The following SAMD12 variants were observed in gnomAD, a reference collection of about 807,000 sequenced individuals.
SAMD12 encodes the protein sterile alpha motif domain containing 12.
Under a neutral mutation model 15.0 loss-of-function variants are expected in SAMD12, and 9 were observed. That is an observed-to-expected ratio of 0.60 (90% confidence interval 0.36 to 1.05). The LOEUF is 1.05. Ranked by LOEUF, SAMD12 falls within the 50% of genes least tolerant of loss-of-function variation. SAMD12 has a pLI of 0.01. For missense variants in SAMD12, 230 were observed against 234.2 expected (o/e 0.98, Z 0.12); for synonymous variants, 86 against 90.1 (o/e 0.96, Z 0.25).
At chr8:118,189,017 T>C (rs1169629254), downstream of SAMD12, among the ~76,000 whole-genome samples, 1 of 152,144 alleles carries the variant, frequency 6.6e-6, no homozygotes, top group Non-Finnish European at 1.5e-5. Flanking sequence ...GGAAATACCA[T>C]CAATCATACT....
intron 4 of SAMD12, among the ~76,000 whole-genome samples, chr8:118,226,349 A>G (rs1420828778): frequency 6.6e-6 from 1 of 152,184 alleles, no homozygotes; most frequent in African/African-American, 2.4e-5. Flanking sequence ...TACCGAACCC[A>G]GATTTCAGCA....
chr8:118,236,957 A>T (rs1812448998), intron 4 of SAMD12, among the ~76,000 whole-genome samples: 2 of 152,254 alleles, frequency 1.3e-5, no homozygotes, highest in South Asian at 4.1e-4. Context: ...GCTTTGGCAC[A>T]AGACTGACCC....
chr8:118,174,126 C>A, the SAMD12 span, among the ~76,000 whole-genome samples: 36 of 152,208 alleles, frequency 2.4e-4, no homozygotes, highest in South Asian at 8.3e-4. Flanking sequence ...GGTTTTGGCC[C>A]CCTCCTCTGT....
chr8:118,578,647 T>C (rs1305567486), intron 2 of SAMD12, among the ~76,000 whole-genome samples: 1 of 152,174 alleles, frequency 6.6e-6, no homozygotes, highest in Non-Finnish European at 1.5e-5. Context: ...AACAAGTTCA[T>C]GTTGTCTAAG....
At chr8:118,331,737 C>A (rs1161546131) in intron 4 of SAMD12, among the ~76,000 whole-genome samples, 1 of 152,162 alleles carries the variant, frequency 6.6e-6, no homozygotes, top group Admixed American at 6.5e-5. Flanking sequence ...ACAAGAGGTC[C>A]ACACATGTGA....
At chr8:118,374,209 G>C (rs1819258217), downstream of SAMD12, among the ~76,000 whole-genome samples, 1 of 152,026 alleles carries the variant, frequency 6.6e-6, no homozygotes, top group African/African-American at 2.4e-5. Flanking sequence ...GACTATTTTA[G>C]ATACTCCATA....
At chr8:118,479,848 A>C (rs1475058548) in intron 2 of SAMD12, among the ~76,000 whole-genome samples, 1 of 151,670 alleles carries the variant, frequency 6.6e-6, no homozygotes, top group African/African-American at 2.4e-5. Flanking sequence ...ATTTGTGATC[A>C]CTGCTACATC....
chr8:118,307,481 C>G (rs986169001), intron 4 of SAMD12, among the ~76,000 whole-genome samples: 1 of 152,148 alleles, frequency 6.6e-6, no homozygotes, highest in Admixed American at 6.5e-5. Flanking sequence ...GTAAAGCAGC[C>G]ACAAGTGAAG....
chr8:118,621,876 C>T lies in SAMD12; in HGVS notation c.-60G>A. ...CTTGGCCGAGGTACTCCTCCTGCCC[C>T]GCGCTCCCCCCTTCCTCTCGCTTTC... On this transcript the variant is annotated 5_prime_UTR_variant, in exon 1 of 4. Transcript: ENST00000314727. 10 of 1,571,060 alleles carry T rather than the reference C, an allele frequency of 6.4e-6. No homozygotes were observed. The highest frequency in any genetic ancestry group is 8.8e-6 in the Non-Finnish European group (10 of 1,140,790).
chr8:118,178,193 T>C, the SAMD12 span, among the ~76,000 whole-genome samples: 4 of 152,204 alleles, frequency 2.6e-5, no homozygotes, highest in Admixed American at 6.5e-5. Flanking sequence ...GTAAGCCCCA[T>C]ACATTTAGTG....
At chr8:118,247,381 T>C (rs1044141972) in intron 4 of SAMD12, among the ~76,000 whole-genome samples, 9 of 152,044 alleles carry the variant, frequency 5.9e-5, no homozygotes, top group Non-Finnish European at 1.2e-4. Context: ...TAATAACATA[T>C]TATGTATTTC....
chr8:118,615,431 T>G (rs1436363906), intron 1 of SAMD12, among the ~76,000 whole-genome samples: 1 of 152,038 alleles, frequency 6.6e-6, no homozygotes, highest in Non-Finnish European at 1.5e-5. Context: ...GGGGTCAGAG[T>G]GGGCTAAGCT....
At chr8:118,459,976 C>A (rs996058877) in intron 2 of SAMD12, among the ~76,000 whole-genome samples, 43 of 152,168 alleles carry the variant, frequency 2.8e-4, no homozygotes, top group African/African-American at 1.0e-3. Context: ...ATCCCAGGAC[C>A]AGAACCAATG....
intron 2 of SAMD12, among the ~76,000 whole-genome samples, chr8:118,499,493 C>A (rs1824716952): frequency 6.6e-6 from 1 of 152,150 alleles, no homozygotes; most frequent in Non-Finnish European, 1.5e-5. Flanking sequence ...CCTCCTCAAG[C>A]CAAAGTTACA....
rs532631150 is a variant in SAMD12 at position 118,200,382 on chromosome 8, T to C, written c.434-2650A>G. ...TTATCCACAAGCCCAATCAGCACGA[T>C]GAAGGGCCCTATTAGAGTACCAAAA... On this transcript the variant is annotated intron_variant, in intron 4 of 4. Coordinates refer to the SAMD12 transcript ENST00000409003. 9.4e-4 allele frequency among the ~76,000 whole-genome samples: 119 copies of C among 126,682 alleles called. 6 individuals are homozygous for C. The South Asian group carries it at 0.028, about 30-fold the overall frequency. The allele number at this position is 126,682 out of a possible 152,430, so 83.1% of individuals were successfully genotyped here. A position where few individuals can be genotyped will look rare whatever the true frequency, so the allele number is the denominator to read the frequency against.
intron 4 of SAMD12, among the ~76,000 whole-genome samples, chr8:118,369,199 CA>C (rs1818953123): frequency 6.6e-6 from 1 of 152,086 alleles, no homozygotes; most frequent in Non-Finnish European, 1.5e-5. Flanking sequence ...GCAGAGGGGC[CA>C]AAAACAGACA....
At chr8:118,496,319 T>G (rs147460191) in intron 2 of SAMD12, among the ~76,000 whole-genome samples, 3,311 of 152,228 alleles carry the variant, frequency 0.022, 104 homozygotes, top group African/African-American at 0.073. Flanking sequence ...GACTTCAAAC[T>G]ATACTACAAG....
intron 2 of SAMD12, among the ~76,000 whole-genome samples, chr8:118,541,563 G>C (rs1825988173): frequency 1.3e-5 from 2 of 152,212 alleles, no homozygotes; most frequent in Non-Finnish European, 2.9e-5. Context: ...GTAAGTGACT[G>C]TGTGTGGCTA....
At chr8:118,409,756 C>T (rs1219874170) in intron 3 of SAMD12, among the ~76,000 whole-genome samples, 1 of 151,940 alleles carries the variant, frequency 6.6e-6, no homozygotes, top group South Asian at 2.1e-4. Context: ...AATTGGCTCA[C>T]ATAAAATAGA....
Sources: gnomAD v4.1 joint callset for allele counts (sites outside exome capture counted in the v4.1 genomes callset) on GRCh38, gnomAD v4.1.1 for gene constraint, MANE v1.5 for transcripts, NCBI Gene and HGNC (gene_info 2026-07-23, HGNC 2026-07-21) for gene names.